The following PRMT8 variants were observed in gnomAD, a reference collection of about 807,000 sequenced individuals.
PRMT8 encodes the protein protein arginine methyltransferase 8.
In PRMT8, 7 loss-of-function variants were observed where a neutral mutation model predicts 47.1. That is an observed-to-expected ratio of 0.15 (90% confidence interval 0.08 to 0.28). PRMT8 has a LOEUF of 0.28. PRMT8 is among the 10% of genes least tolerant of loss of function. The pLI, the probability that PRMT8 is intolerant of heterozygous loss-of-function variation, is 1.00. For synonymous variants in PRMT8, 188 were observed against 186.5 expected (o/e 1.01, Z -0.07); for missense variants, 237 against 505.4 (o/e 0.47, Z 5.09).
At chr12:3,541,732 GT>G (rs1253433444) in intron 2 of PRMT8, among the ~76,000 whole-genome samples, 15 of 152,208 alleles carry the variant, frequency 9.9e-5, no homozygotes, top group Admixed American at 9.8e-4. Flanking sequence ...AGGGTGTTTA[GT>G]AATAATAGCC....
rs1052821083 is a variant in PRMT8 at position 3,456,474 on chromosome 12, T to G, written c.48+75032T>G. Among the ~76,000 whole-genome samples the G allele has an allele frequency of 6.6e-6, 1 of 152,098 alleles. No homozygotes were observed. Among genetic ancestry groups the G allele is most frequent in the Non-Finnish European group, 1.5e-5 (1 of 68,020 alleles). ...TCTGAAGCCACAAGCAAAACTCCTCTCCCAGGTGGGAGGGCAGGACCCACG... is the reference window on the plus strand; with the variant it reads ...TCTGAAGCCACAAGCAAAACTCCTCGCCCAGGTGGGAGGGCAGGACCCACG... On this transcript the variant is annotated intron_variant, in intron 1 of 9. Coordinates refer to the PRMT8 transcript ENST00000452611. The surrounding 1 kb of genome is among the most constrained non-coding windows in gnomAD (Gnocchi z 4.2).
chr12:3,567,165 C>T (rs554360622), intron 4 of PRMT8, among the ~76,000 whole-genome samples: 2 of 152,326 alleles, frequency 1.3e-5, no homozygotes, highest in African/African-American at 4.8e-5. Context: ...AGATAATGTC[C>T]ACCTTCTGTT....
Position 3,530,855 on chromosome 12 carries a change from C to T in PRMT8, c.76-9751C>T, listed in dbSNP as rs547254231. Among the ~76,000 whole-genome samples the T allele has an allele frequency of 8.5e-5, 13 of 152,354 alleles. No homozygotes were observed. In the South Asian group the frequency reaches 1.9e-3, roughly 22 times the overall value. On this transcript the variant is annotated intron_variant, in intron 1 of 9. Coordinates refer to ENST00000382622, the MANE Select transcript of PRMT8 (RefSeq NM_019854.5). ...CTCGAATTTCCTCTGAATATTTACA[C>T]GCTCAGCGTCTTCCAGTCATCACCA...
chr12:3,476,246 T>C (rs1865212559), intron 1 of PRMT8, among the ~76,000 whole-genome samples: 1 of 152,118 alleles, frequency 6.6e-6, no homozygotes. Context: ...AGTCAAGATG[T>C]TTTTGGAAAT....
In PRMT8 at chr12:3,493,416, G is replaced by C. The variant is rs1865455420; in HGVS notation, c.75+1716G>C. 6.6e-6 allele frequency among the ~76,000 whole-genome samples: 1 copy of C among 152,126 alleles called. No individual in the cohort carries two copies. The highest frequency in any genetic ancestry group is 6.5e-5 in the Admixed American group (1 of 15,274). Reference sequence around the variant, plus strand: ...AGTGTGGAGCGAGCGGGCACGTAGCGGTCTCTGCCAGGTGGCTGGAGCCCT... The same window carrying C: ...AGTGTGGAGCGAGCGGGCACGTAGCCGTCTCTGCCAGGTGGCTGGAGCCCT... On this transcript the variant is annotated intron_variant, in intron 1 of 9. Coordinates refer to ENST00000382622, the MANE Select transcript of PRMT8 (RefSeq NM_019854.5). This position sits in a 1 kb window ranked among gnomAD's most constrained non-coding sequence, Gnocchi z 8.2.
chr12:3,475,781 C>T (rs1865206492), intron 1 of PRMT8, among the ~76,000 whole-genome samples: 1 of 150,400 alleles, frequency 6.6e-6, no homozygotes, highest in African/African-American at 2.5e-5. Flanking sequence ...GCCTCGGCTG[C>T]TGATTCTTGG....
chr12:3,454,846 A>T (rs2137083198), intron 1 of PRMT8, among the ~76,000 whole-genome samples: 1 of 152,310 alleles, frequency 6.6e-6, no homozygotes, highest in South Asian at 2.1e-4. Flanking sequence ...ACAGATAACA[A>T]CTGGAGCAGT....
At chr12:3,488,826 A>G (rs1865346036), upstream of PRMT8, among the ~76,000 whole-genome samples, 1 of 152,238 alleles carries the variant, frequency 6.6e-6, no homozygotes, top group African/African-American at 2.4e-5. Flanking sequence ...ACTTTTCACA[A>G]TCATAAGATG....
chr12:3,429,131 C>T (rs1207946011), intron 1 of PRMT8, among the ~76,000 whole-genome samples: 1 of 152,156 alleles, frequency 6.6e-6, no homozygotes, highest in Non-Finnish European at 1.5e-5. Flanking sequence ...GTTCTCTCAA[C>T]CACTGTGGGT....
chr12:3,563,079 T>C (rs1005132461), intron 4 of PRMT8, among the ~76,000 whole-genome samples: 1 of 152,036 alleles, frequency 6.6e-6, no homozygotes, highest in Admixed American at 6.5e-5. Context: ...TCTGCCAGGC[T>C]GGACCACAGG....
intron 1 of PRMT8, among the ~76,000 whole-genome samples, chr12:3,418,121 G>A (rs561679559): frequency 3.9e-5 from 6 of 152,320 alleles, no homozygotes; most frequent in African/African-American, 1.4e-4. Context: ...CTAGCTTTCA[G>A]GATGGCAGCA....
At chr12:3,592,410 T>C in intron 9 of PRMT8, 58 bp downstream of exon 9, 4 of 1,553,626 alleles carry the variant, frequency 2.6e-6, no homozygotes, top group East Asian at 4.8e-5. Context: ...GCTGGCTCGC[T>C]CAGGACCCAC....
intron 1 of PRMT8, among the ~76,000 whole-genome samples, chr12:3,458,088 G>A (rs899454225): frequency 3.3e-5 from 5 of 152,064 alleles, no homozygotes; most frequent in Admixed American, 2.0e-4. Context: ...TGATCCGCCC[G>A]CCTCGGCCTC....
At chr12:3,474,495 G>A (rs982934627) in intron 1 of PRMT8, among the ~76,000 whole-genome samples, 34 of 151,870 alleles carry the variant, frequency 2.2e-4, no homozygotes, top group Non-Finnish European at 2.5e-4. Context: ...CTTTTCACCC[G>A]ATGCTCTCTG....
At chr12:3,592,141 G>A in intron 8 of PRMT8, 90 bp from the exon 9 acceptor site, 1 of 1,429,230 alleles carries the variant, frequency 7.0e-7, no homozygotes, top group South Asian at 1.6e-5. Flanking sequence ...GGGAAGCCCA[G>A]CAACTTCTAT....
chr12:3,475,992 C>T (rs7964371), intron 1 of PRMT8, among the ~76,000 whole-genome samples: 112,830 of 151,860 alleles, frequency 0.74, 42,311 homozygotes, highest in Middle Eastern at 0.86. Flanking sequence ...TAAGAAATAG[C>T]ATTGGGCTGG....
intron 1 of PRMT8, among the ~76,000 whole-genome samples, chr12:3,442,268 C>T (rs750474631): frequency 1.8e-4 from 27 of 151,826 alleles, no homozygotes; most frequent in South Asian, 4.2e-4. Flanking sequence ...AAAGAGCTAA[C>T]GATAGGGTGG....
intron 6 of PRMT8, among the ~76,000 whole-genome samples, chr12:3,575,879 C>T (rs750328733): frequency 2.6e-5 from 4 of 152,150 alleles, no homozygotes; most frequent in Admixed American, 6.5e-5. Flanking sequence ...ATTAACCCGG[C>T]ATGGTGGCGG....
At chr12:3,475,166 T>G (rs1196731645) in intron 1 of PRMT8, among the ~76,000 whole-genome samples, 1 of 152,092 alleles carries the variant, frequency 6.6e-6, no homozygotes, top group Non-Finnish European at 1.5e-5. Flanking sequence ...CTTCGCCTAG[T>G]GCAAACCAAA....
Sources: allele counts gnomAD v4.1 joint callset (sites outside exome capture counted in the v4.1 genomes callset), GRCh38; gene constraint gnomAD v4.1.1; non-coding constraint Gnocchi (gnomAD v3.1); transcripts MANE v1.5; gene names NCBI Gene and HGNC (gene_info 2026-07-23, HGNC 2026-07-21).